The following MYBBP1A variants were observed in gnomAD, a reference collection of about 807,000 sequenced individuals.
MYBBP1A encodes MYB binding protein 1a.
In MYBBP1A, 147 loss-of-function variants were observed where a neutral mutation model predicts 136.3. That is an observed-to-expected ratio of 1.08 (90% CI 0.94 to 1.24). The LOEUF (loss-of-function observed/expected upper bound fraction) is 1.24, where lower values mean the gene tolerates loss of function less well. Among genes scored for constraint, MYBBP1A ranks in the 50% most tolerant of loss-of-function variants. The probability of loss-of-function intolerance (pLI) is 0.00; values close to 1 mark genes in which losing one functional copy is unlikely to be tolerated. For missense variants in MYBBP1A, 2,060 were observed against 1,727.4 expected, an observed-to-expected ratio of 1.19 and a Z score of -3.41; for synonymous variants, 947 against 735.8, an observed-to-expected ratio of 1.29 and a Z score of -4.65.
intron 3 of MYBBP1A, 37 bp from the exon 4 acceptor site, chr17:4,554,130 T>C: frequency 6.2e-7 from 1 of 1,613,412 alleles, no homozygotes; most frequent in South Asian, 1.1e-5. Context: ...TGAGGGGCCC[T>C]GGAACTCCCC....
chr17:4,549,520 T>A, intron 9 of MYBBP1A, 78 bp from the exon 10 acceptor site: 2 of 1,316,018 alleles, frequency 1.5e-6, no homozygotes, highest in Non-Finnish European at 2.1e-6. Flanking sequence ...CTCACACCTG[T>A]AATCCCAGCA....
At chr17:4,551,238 A>G (rs967164794) in intron 8 of MYBBP1A, among the ~76,000 whole-genome samples, 4 of 152,252 alleles carry the variant, frequency 2.6e-5, no homozygotes, top group African/African-American at 9.6e-5. Context: ...TGAGCTGGTG[A>G]GAACAGTCAA....
Position 4,545,690 on chromosome 17 carries a change from G to T in MYBBP1A, c.1993C>A (p.Leu665Ile). ...ACGCTCCGGGCCACCTGGCGCATGAGGTGGCTGGGCTGGGCCAACAGGGCC... is the reference window on the plus strand; with the variant it reads ...ACGCTCCGGGCCACCTGGCGCATGATGTGGCTGGGCTGGGCCAACAGGGCC... ...LLALLAQPSHLMRQVARSVFG... is the reference protein window; with the variant it reads ...LLALLAQPSHIMRQVARSVFG... The change falls in exon 15 of 26, where the codon CTC becomes ATC. Residue 665 changes from leucine to isoleucine, a missense_variant. Coordinates refer to ENST00000254718, the MANE Select transcript of MYBBP1A (RefSeq NM_014520.4). 1.2e-6 allele frequency: 2 copies of T among 1,611,468 alleles called. No individual in the cohort carries two copies. Among genetic ancestry groups the T allele is most frequent in the Non-Finnish European group, 1.7e-6 (2 of 1,178,420 alleles).
rs1184564668 is a variant in MYBBP1A, at chr17:4,540,115, A to AGGGTCCTGCGAGGCCCCT, written c.3435-166_3435-149dup. The AGGGTCCTGCGAGGCCCCT allele has an allele frequency of 1.3e-5, 16 of 1,188,960 alleles. No individual in the cohort carries two copies. The Admixed American group carries it at 1.7e-4, about 13-fold the overall frequency. 73.7% of individuals were successfully genotyped at this position (1,188,960 alleles called of 1,614,324 possible). On this transcript the variant is annotated intron_variant, in intron 25 of 25. Coordinates refer to ENST00000254718, the MANE Select transcript of MYBBP1A (RefSeq NM_014520.4). ...ATGAGGGTCCCGTGAGGGTCCTATG[A>AGGGTCCTGCGAGGCCCCT]GGGTCCTGCGAGGCCCCTGGGTCCT...
intron 19 of MYBBP1A, 80 bp downstream of exon 19, chr17:4,544,409 G>A (rs1327433029): frequency 9.2e-6 from 14 of 1,514,816 alleles, no homozygotes; most frequent in African/African-American, 2.8e-5. Flanking sequence ...TTCCTGTGCA[G>A]ACAGCAAGCC....
chr17:4,551,868 G>T lies in MYBBP1A; in HGVS notation c.1023+12C>A, dbSNP rs1171837298. ...CTTTCTGGCAGTGTCGAGCTGCACG[G>T]GCATTACCCACCTTAGCAGTGCACA... is the stretch of plus-strand genomic sequence containing the variant. On this transcript the variant is annotated intron_variant, in intron 8 of 25. Transcript: ENST00000254718. The T allele has an allele frequency of 1.2e-6, 2 of 1,608,658 alleles. No individual in the cohort carries two copies.
rs752999294 is a variant in MYBBP1A, at chr17:4,548,469, G to A, written c.1556+55C>T. 5.6e-6 allele frequency: 9 copies of A among 1,612,028 alleles called. No homozygotes were observed. The highest frequency in any genetic ancestry group is 6.8e-6 in the Non-Finnish European group (8 of 1,179,482). ...CAGCTTAGGGGACCTGGAGGGAGCA[G>A]GCGCCCTCAAGGCCTTCCCACCTTC... On this transcript the variant is annotated intron_variant, in intron 11 of 25. Coordinates refer to ENST00000254718, the MANE Select transcript of MYBBP1A (RefSeq NM_014520.4). This position sits in a 1 kb window ranked among gnomAD's most constrained non-coding sequence, Gnocchi z 4.2.
At position 4,552,249 on chromosome 17, in the gene MYBBP1A, C is replaced by A. The variant is rs2144500477; in HGVS notation, c.781G>T (p.Asp261Tyr). 1 of 1,614,194 alleles carries A rather than the reference C, an allele frequency of 6.2e-7. No individual in the cohort carries two copies. The highest frequency in any genetic ancestry group is 2.2e-5 in the East Asian group (1 of 44,884). The change falls in exon 7 of 26, where the codon GAC becomes TAC. Residue 261 changes from aspartate (D) to tyrosine (Y), a missense_variant. Transcript: ENST00000254718. This position sits in a 1 kb window ranked among gnomAD's most constrained non-coding sequence, Gnocchi z 4.7. Reference protein sequence around the residue: ...LKMAASSVKKDRKLPAIALDL... With the variant: ...LKMAASSVKKYRKLPAIALDL... ...AGAGCAATGGCGGGCAGCTTGCGGT[C>A]CTTCTTCACAGAGGAGGCGGCCATC...
At chr17:4,550,972 A>ATCC (rs1328991695) in intron 8 of MYBBP1A, among the ~76,000 whole-genome samples, 1 of 152,262 alleles carries the variant, frequency 6.6e-6, no homozygotes, top group Non-Finnish European at 1.5e-5. Context: ...CCAGTGGGAT[A>ATCC]GTGTCCGGCT....
Position 4,552,370 on chromosome 17 carries a change from C to A in MYBBP1A, c.738-78G>T. 1 of 1,603,440 alleles carries A rather than the reference C, an allele frequency of 6.2e-7. No individual in the cohort carries two copies. Among genetic ancestry groups the A allele is most frequent in the South Asian group, 1.1e-5 (1 of 90,222 alleles). ...GTGACAAGAGCAGCCGGGACACCCC[C>A]AGGCCAAACGACAAATCTGGGCCTG... On this transcript the variant is annotated intron_variant, in intron 6 of 25. Transcript: ENST00000254718. The surrounding 1 kb of genome is among the most constrained non-coding windows in gnomAD (Gnocchi z 4.7).
chr17:4,543,480 C>T (rs1906658643), intron 19 of MYBBP1A, among the ~76,000 whole-genome samples: 1 of 152,174 alleles, frequency 6.6e-6, no homozygotes, highest in Non-Finnish European at 1.5e-5. Context: ...CAGTGGCCTT[C>T]AGGCCTTTTG....
At chr17:4,540,270 C>T in intron 25 of MYBBP1A, 78 bp downstream of exon 25, 1 of 1,486,172 alleles carries the variant, frequency 6.7e-7, no homozygotes, top group Non-Finnish European at 9.0e-7. Flanking sequence ...AGCGTGTGTG[C>T]AGCGTGTGTG....
chr17:4,548,049 T>G lies in MYBBP1A; in HGVS notation c.1733A>C (p.Gln578Pro), dbSNP rs1234019227. 6.4e-7 allele frequency: 1 copy of G among 1,572,204 alleles called. No individual in the cohort carries two copies. Among genetic ancestry groups the G allele is most frequent in the Middle Eastern group, 1.7e-4 (1 of 5,930 alleles). ...GTGGGCCTCCAGCTCCTTCAGAGTC[T>G]GCAGCATCCTGCGGGGAGACAGGCG... ...QQRQAWDRML[Q>P]TLKELEAHSA... The change falls in exon 13 of 26, where the codon CAG becomes CCG. Residue 578 changes from glutamine (Q) to proline (P), a missense_variant. Physicochemically the swap from Gln to Pro is moderately conservative, Grantham distance 76 (BLOSUM62 -1). Transcript: ENST00000254718. The surrounding 1 kb of genome is among the most constrained non-coding windows in gnomAD (Gnocchi z 4.2).
intron 24 of MYBBP1A, 108 bp downstream of exon 24, chr17:4,541,355 A>G (rs530492448): frequency 7.1e-6 from 7 of 979,728 alleles, no homozygotes; most frequent in Middle Eastern, 2.5e-4. Context: ...GTTTCCCCAC[A>G]TGACCCCCAT....
rs751148016 is a variant in MYBBP1A, at chr17:4,544,875, A to G, written c.2357T>C (p.Met786Thr). ...ENEEELGDEAMMALDQSLASL... is the reference protein window; with the variant it reads ...ENEEELGDEATMALDQSLASL... ...GGCGAGGCTCTGGTCCAGGGCCATC[A>G]TGGCCTCATCCCCCAGCTCCTCCTC... The change falls in exon 18 of 26, where the codon ATG becomes ACG. Residue 786 changes from methionine (M) to threonine (T), a missense_variant. Physicochemically the swap from Met to Thr is moderately conservative, Grantham distance 81. Transcript: ENST00000254718. 6.2e-6 allele frequency: 10 copies of G among 1,608,066 alleles called. No homozygotes were observed. The highest frequency in any genetic ancestry group is 3.3e-5 in the South Asian group (3 of 89,890).
At chr17:4,544,046 G>A (rs1782053546) in intron 19 of MYBBP1A, among the ~76,000 whole-genome samples, 1 of 152,130 alleles carries the variant, frequency 6.6e-6, no homozygotes, top group Admixed American at 6.5e-5. Flanking sequence ...CTCCCTTTCT[G>A]CCCTGCCCAA....
chr17:4,553,569 CTTT>C (rs1315156186), intron 5 of MYBBP1A, among the ~76,000 whole-genome samples: 1 of 152,220 alleles, frequency 6.6e-6, no homozygotes, highest in African/African-American at 2.4e-5. Flanking sequence ...TATCTCAACA[CTTT>C]TTTATACCAA....
Position 4,555,339 on chromosome 17 carries a change from C to G in MYBBP1A, c.-15G>C. 1 of 1,587,238 alleles carries G rather than the reference C, an allele frequency of 6.3e-7. No individual in the cohort carries two copies. The highest frequency in any genetic ancestry group is 1.1e-5 in the South Asian group (1 of 87,656). On this transcript the variant is annotated 5_prime_UTR_variant, in exon 1 of 26. Transcript: ENST00000254718. Reference sequence around the variant, plus strand: ...CGGCTCTCCATCTCCGCCACACTCACCGAAACACGAAACACGTGTGCTCCG... The same window carrying G: ...CGGCTCTCCATCTCCGCCACACTCAGCGAAACACGAAACACGTGTGCTCCG...
Position 4,545,260 on chromosome 17 carries a change from T to TCTG in MYBBP1A, c.2156_2158dup (p.Ala719dup). On this transcript the variant is annotated inframe_insertion and splice_region_variant, in exon 16 of 26. Coordinates refer to ENST00000254718, the MANE Select transcript of MYBBP1A (RefSeq NM_014520.4). ...CCGCCCGGCCCATGCTGGCAACACC[T>TCTG]CTGCACCCTTCAGCCGCCGCTCATC... 6.3e-7 allele frequency: 1 copy of TCTG among 1,576,942 alleles called. No individual in the cohort carries two copies.
Sources: allele counts gnomAD v4.1 joint callset (sites outside exome capture counted in the v4.1 genomes callset), GRCh38; gene constraint gnomAD v4.1.1; non-coding constraint Gnocchi (gnomAD v3.1); transcripts MANE v1.5; gene names NCBI Gene and HGNC (gene_info 2026-07-23, HGNC 2026-07-21).